The following ALOX5 variants were observed in gnomAD, a reference collection of about 807,000 sequenced individuals.
The protein encoded by ALOX5 is arachidonate 5-lipoxygenase.
In ALOX5, 64 loss-of-function variants were observed where a neutral mutation model predicts 87.9. The observed-to-expected ratio is 0.73, with a 90% CI of 0.60 to 0.90. The LOEUF is 0.90. Ranked by LOEUF, ALOX5 falls within the 40% of genes least tolerant of loss-of-function variation. The pLI, the probability that ALOX5 is intolerant of heterozygous loss-of-function variation, is 0.00. For synonymous variants in ALOX5, 388 were observed against 355.1 expected (o/e 1.09, Z -1.04); for missense variants, 822 against 907.5 (o/e 0.91, Z 1.21).
rs571899574 is a variant in ALOX5, at chr10:45,436,915, T to G, written c.982-3515T>G. Among the ~76,000 whole-genome samples, 46 of 152,348 alleles carry G rather than the reference T, an allele frequency of 3.0e-4. 1 individual carries two copies. Among genetic ancestry groups the G allele is most frequent in the Admixed American group, 3.0e-3 (46 of 15,310 alleles). Reference sequence around the variant, plus strand: ...TTCTTTCATCAGTGTTTTATAGTTCTCTCTGTAGAGCTCTTTCACCTCCTT... The same window carrying G: ...TTCTTTCATCAGTGTTTTATAGTTCGCTCTGTAGAGCTCTTTCACCTCCTT... On this transcript the variant is annotated intron_variant, in intron 7 of 13. Transcript: ENST00000374391.
At chr10:45,400,825 G>A (rs528769808) in intron 3 of ALOX5, among the ~76,000 whole-genome samples, 7 of 152,118 alleles carry the variant, frequency 4.6e-5, no homozygotes, top group African/African-American at 1.7e-4. Flanking sequence ...AATGTTAATG[G>A]GTTCGAGGTG....
rs1842358565 is a variant in ALOX5, at chr10:45,444,259, G to A, written c.1818G>A (p.Trp606Ter). 1.5e-5 allele frequency: 24 copies of A among 1,554,912 alleles called. No homozygotes were observed. Among genetic ancestry groups the A allele is most frequent in the Non-Finnish European group, 2.1e-5 (24 of 1,149,208 alleles). Reference protein sequence around the residue: ...GRSCWHLGAVWALSQFQENEL... With the variant: ...GRSCWHLGAV ...CCTGCTGGCATCTGGGTGCAGTGTG[G>A]GCGCTGAGCCAGTTCCAGGAAAACG... Residue 606 changes from tryptophan to a stop codon, truncating the protein, a stop_gained, in exon 13 of 14, where the codon TGG becomes TGA. Transcript: ENST00000374391. LOFTEE classifies it high-confidence loss of function.
At chr10:45,379,925 A>T (rs1237250016) in intron 1 of ALOX5, among the ~76,000 whole-genome samples, 1 of 152,012 alleles carries the variant, frequency 6.6e-6, no homozygotes, top group African/African-American at 2.4e-5. Flanking sequence ...CCTCGGTGGG[A>T]TCAGGAATCT....
intron 3 of ALOX5, among the ~76,000 whole-genome samples, chr10:45,396,621 C>T (rs1840517529): frequency 6.6e-6 from 1 of 152,092 alleles, no homozygotes; most frequent in South Asian, 2.1e-4. Context: ...AAGCCCAGAC[C>T]CAGATAGCTT....
intron 3 of ALOX5, among the ~76,000 whole-genome samples, chr10:45,405,033 T>G (rs1414525071): frequency 6.6e-6 from 1 of 152,216 alleles, no homozygotes; most frequent in Non-Finnish European, 1.5e-5. Flanking sequence ...TGCACCATAA[T>G]TTACTTAGCC....
At chr10:45,410,446 T>C (rs72796464) in intron 3 of ALOX5, among the ~76,000 whole-genome samples, 17,024 of 152,238 alleles carry the variant, frequency 0.11, 1,348 homozygotes, top group Non-Finnish European at 0.16. Context: ...GTGAGAAATG[T>C]AAGGTGCCAC....
chr10:45,444,324 C>G, intron 13 of ALOX5, 38 bp downstream of exon 13: 4 of 1,523,588 alleles, frequency 2.6e-6, no homozygotes, highest in Non-Finnish European at 3.5e-6. Flanking sequence ...CCCAGGTCAC[C>G]CCAGGTTAAG....
chr10:45,443,216 C>A lies in ALOX5; in HGVS notation c.1451C>A (p.Thr484Lys). The A allele has an allele frequency of 1.2e-6, 2 of 1,612,258 alleles. No homozygotes were observed. The highest frequency in any genetic ancestry group is 1.7e-6 in the Non-Finnish European group (2 of 1,179,222). ...CTCCTGGTGTGGGAAGCCATCAGGA[C>A]GTGAGCGCCCGCGGGGCGGTGGTCC... ...DGLLVWEAIR[T>K]FTAEVVDIYY... Residue 484 changes from threonine (T) to lysine (K), a missense_variant and splice_region_variant, in exon 10 of 14, where the codon ACG becomes AAG. Physicochemically the swap from Thr to Lys is moderately conservative, Grantham distance 78 (BLOSUM62 -1). Transcript: ENST00000374391.
intron 3 of ALOX5, among the ~76,000 whole-genome samples, chr10:45,403,841 T>A (rs1474276870): frequency 2.0e-5 from 3 of 152,200 alleles, no homozygotes; most frequent in Admixed American, 2.0e-4. Flanking sequence ...CTGCCTCCCA[T>A]CCCAAAGGGC....
At position 45,443,040 on chromosome 10, in the gene ALOX5, C is replaced by A. The variant is rs1200355947; in HGVS notation, c.1275C>A (p.Ala425=). 1.2e-6 allele frequency: 2 copies of A among 1,611,392 alleles called. No individual in the cohort carries two copies. Among genetic ancestry groups the A allele is most frequent in the East Asian group, 2.2e-5 (1 of 44,874 alleles). Residue 425 remains alanine, a splice_region_variant and synonymous_variant, in exon 10 of 14, where the codon GCC becomes GCA. Transcript: ENST00000374391. ...LICECGLFDK[A]NATGGGGHVQ... is the part of the protein sequence containing the mutation. ...GGGCACTCTACCTCCCACTCCAGGC[C>A]AACGCCACAGGGGGCGGTGGGCACG...
At chr10:45,406,428 C>A (rs1282666116) in intron 3 of ALOX5, among the ~76,000 whole-genome samples, 1 of 152,168 alleles carries the variant, frequency 6.6e-6, no homozygotes, top group Non-Finnish European at 1.5e-5. Context: ...TTAAGTTTTT[C>A]ATAATGAGAA....
intron 7 of ALOX5, among the ~76,000 whole-genome samples, chr10:45,438,847 C>T (rs557083975): frequency 3.9e-5 from 6 of 152,324 alleles, no homozygotes; most frequent in Non-Finnish European, 7.4e-5. Flanking sequence ...CAGACAGGCA[C>T]GCCTAATGTG....
chr10:45,424,827 G>C (rs1342585228), intron 5 of ALOX5, 133 bp from the exon 6 acceptor site: 11 of 1,056,472 alleles, frequency 1.0e-5, no homozygotes, highest in Admixed American at 2.3e-5. Flanking sequence ...AGCAGTTGGA[G>C]CTGTGCCCAT....
intron 7 of ALOX5, among the ~76,000 whole-genome samples, chr10:45,439,674 G>A (rs1842166992): frequency 1.3e-5 from 2 of 152,348 alleles, no homozygotes; most frequent in East Asian, 1.9e-4. Flanking sequence ...CAGCAACCAG[G>A]TCACCACAGA....
intron 4 of ALOX5, among the ~76,000 whole-genome samples, chr10:45,420,885 G>A (rs1428358046): frequency 6.6e-6 from 1 of 152,250 alleles, no homozygotes; most frequent in East Asian, 1.9e-4. Flanking sequence ...CAGTGAGGCG[G>A]GACAGTGCAG....
At chr10:45,414,667 A>G (rs1430815930) in intron 4 of ALOX5, among the ~76,000 whole-genome samples, 2 of 152,184 alleles carry the variant, frequency 1.3e-5, no homozygotes, top group Admixed American at 6.5e-5. Flanking sequence ...CAGAATGGGA[A>G]AAAAATTTTG....
At chr10:45,443,284 C>T in intron 10 of ALOX5, 68 bp downstream of exon 10, 1 of 1,584,672 alleles carries the variant, frequency 6.3e-7, no homozygotes, top group South Asian at 1.2e-5. Flanking sequence ...CTGGGGCGGG[C>T]CTGGCCCCTC....
intron 1 of ALOX5, among the ~76,000 whole-genome samples, chr10:45,379,686 G>A (rs1246072377): frequency 6.6e-6 from 1 of 152,208 alleles, no homozygotes; most frequent in Non-Finnish European, 1.5e-5. Flanking sequence ...CACACAACCG[G>A]TGGCCTGTGC....
In ALOX5 at chr10:45,445,747, G is replaced by A; in HGVS notation, c.*60G>A. Reference sequence around the variant, plus strand: ...GCCCCAGCCAGATGGACTCCAGCCTGCCTGGCAGGCTGTCTGGCCAGGCCT... The same window carrying A: ...GCCCCAGCCAGATGGACTCCAGCCTACCTGGCAGGCTGTCTGGCCAGGCCT... On this transcript the variant is annotated 3_prime_UTR_variant, in exon 14 of 14. Coordinates refer to ENST00000374391, the MANE Select transcript of ALOX5 (RefSeq NM_000698.5). The A allele has an allele frequency of 1.3e-6, 2 of 1,559,338 alleles. No individual in the cohort carries two copies. The highest frequency in any genetic ancestry group is 2.3e-5 in the South Asian group (2 of 86,872).
Sources: allele counts gnomAD v4.1 joint callset (sites outside exome capture counted in the v4.1 genomes callset), GRCh38; gene constraint gnomAD v4.1.1; transcripts MANE v1.5; gene names NCBI Gene and HGNC (gene_info 2026-07-23, HGNC 2026-07-21).